Variants in ANK2 observed in about 807,000 individuals in gnomAD.
ANK2 encodes the protein ankyrin 2.
A neutral mutation model predicts 360.5 loss-of-function variants in ANK2; 83 were observed. That is an observed-to-expected ratio of 0.23 (90% CI 0.19 to 0.28). The LOEUF is 0.28. Ranked by LOEUF, ANK2 falls within the 10% of genes least tolerant of loss-of-function variation. ANK2 has a pLI of 1.00. For synonymous variants in ANK2, 1,740 were observed against 1,759.5 expected, an observed-to-expected ratio of 0.99 and a Z score of 0.28; for missense variants, 4,201 against 4,795.7, an observed-to-expected ratio of 0.88 and a Z score of 3.66.
chr4:113,266,765 T>C (rs915621892), intron 14 of ANK2, among the ~76,000 whole-genome samples: 3 of 152,176 alleles, frequency 2.0e-5, no homozygotes, highest in African/African-American at 7.2e-5. Flanking sequence ...TAATCCCAGC[T>C]GCTCAGGTGG....
chr4:112,748,768 C>A, the ANK2 span, among the ~76,000 whole-genome samples: 1 of 152,206 alleles, frequency 6.6e-6, no homozygotes, highest in African/African-American at 2.4e-5. Context: ...CATTTTGAAA[C>A]ACACCCATGC....
chr4:113,090,029 C>T (rs571725131), intron 1 of ANK2, among the ~76,000 whole-genome samples: 1 of 152,086 alleles, frequency 6.6e-6, no homozygotes, highest in Non-Finnish European at 1.5e-5. Context: ...TGAATGGAAT[C>T]GGTTTTCCAT....
the ANK2 span, among the ~76,000 whole-genome samples, chr4:112,750,638 A>ACGT: frequency 2.0e-5 from 3 of 152,214 alleles, 1 homozygote; most frequent in Non-Finnish European, 4.4e-5. Flanking sequence ...AAGTTTATTA[A>ACGT]GAAAGTAAAG....
chr4:112,881,678 T>G, intron 1 of ANK2: 1 of 473,560 alleles, frequency 2.1e-6, no homozygotes, highest in Non-Finnish European at 3.8e-6. Flanking sequence ...AAAATACAAT[T>G]AGTCACAAAC....
At chr4:112,992,333 G>A (rs577997870) in intron 2 of ANK2, among the ~76,000 whole-genome samples, 1 of 151,842 alleles carries the variant, frequency 6.6e-6, no homozygotes, top group Non-Finnish European at 1.5e-5. Flanking sequence ...TAGTAGAGAT[G>A]GTGTTTCACC....
rs370857443 is a variant in ANK2 at position 113,357,242 on chromosome 4, A to G, written c.8624A>G (p.Glu2875Gly). The G allele has an allele frequency of 1.9e-6, 3 of 1,613,980 alleles. No homozygotes were observed. The African/African-American group carries it at 4.0e-5, about 22-fold the overall frequency. Reference sequence around the variant, plus strand: ...GCCACATCTTCTATTCAAAAAACAGAGGTCACAAAAACTGATGAAACATTT... The same window carrying G: ...GCCACATCTTCTATTCAAAAAACAGGGGTCACAAAAACTGATGAAACATTT... The part of the protein sequence containing the change: ...ISATSSIQKT[E>G]VTKTDETFEN... Residue 2875 changes from glutamate (E) to glycine (G), a missense_variant, in exon 38 of 46, where the codon GAG (glutamate) becomes GGG (glycine). Glu to Gly is a moderately conservative substitution (Grantham distance 98). Transcript: ENST00000357077.
intron 1 of ANK2, among the ~76,000 whole-genome samples, chr4:112,821,037 G>A (rs958974203): frequency 2.5e-4 from 38 of 152,100 alleles, no homozygotes; most frequent in Admixed American, 1.2e-3. Flanking sequence ...TCAGCCTCCC[G>A]AGTAGCTGAG....
intron 8 of ANK2, among the ~76,000 whole-genome samples, chr4:113,241,463 G>T (rs564147023): frequency 2.6e-5 from 4 of 152,142 alleles, no homozygotes; most frequent in African/African-American, 9.6e-5. Flanking sequence ...TCAGCCTCCT[G>T]AGTAGCTAGG....
intron 1 of ANK2, among the ~76,000 whole-genome samples, chr4:113,169,036 T>A (rs1456756002): frequency 1.3e-5 from 2 of 152,306 alleles, no homozygotes; most frequent in East Asian, 3.9e-4. Flanking sequence ...ACGCCAGGAA[T>A]CTTCACATTT....
At chr4:113,071,700 A>G (rs1232328387) in intron 1 of ANK2, 1 of 152,458 alleles carries the variant, frequency 6.6e-6, no homozygotes, top group East Asian at 1.9e-4. Context: ...TTTTGAATAA[A>G]ATCTGCACCA....
At chr4:112,971,370 G>C (rs1402529909) in intron 2 of ANK2, among the ~76,000 whole-genome samples, 1 of 152,140 alleles carries the variant, frequency 6.6e-6, no homozygotes, top group Non-Finnish European at 1.5e-5. Flanking sequence ...CTAAGTAAAA[G>C]TTAAGCCCAG....
chr4:112,782,910 CT>C, the ANK2 span, among the ~76,000 whole-genome samples: 1 of 151,398 alleles, frequency 6.6e-6, no homozygotes, highest in African/African-American at 2.4e-5. Context: ...AATAGCTTTT[CT>C]TTTCTTTTTT....
At position 113,290,195 on chromosome 4, in the gene ANK2, A is replaced by G. The variant is rs192384127; in HGVS notation, c.2277+1709A>G. Among the ~76,000 whole-genome samples, 398 of 150,694 alleles carry G rather than the reference A, an allele frequency of 2.6e-3. 3 individuals carry two copies. Among genetic ancestry groups the G allele is most frequent in the African/African-American group, 9.0e-3 (371 of 41,094 alleles). On this transcript the variant is annotated intron_variant, in intron 20 of 45. Transcript: ENST00000357077. Reference sequence around the variant, plus strand: ...TGTTTTTTTTTTTTTAAGTGAACTAAGTTGCTTGCAGTGTTACATTTGGAA... The same window carrying G: ...TGTTTTTTTTTTTTTAAGTGAACTAGGTTGCTTGCAGTGTTACATTTGGAA...
intron 2 of ANK2, among the ~76,000 whole-genome samples, chr4:112,954,155 CCCCTGTATCCTT>C (rs1480864906): frequency 2.0e-5 from 3 of 151,778 alleles, no homozygotes; most frequent in African/African-American, 4.8e-5. Context: ...TGTTGTCCCA[CCCCTGTATCCTT>C]CCCTTTCTTC....
intron 1 of ANK2, among the ~76,000 whole-genome samples, chr4:113,110,984 A>T (rs1383507356): frequency 6.6e-6 from 1 of 152,120 alleles, no homozygotes. Flanking sequence ...ATTTTTGCTA[A>T]TTATTTACTG....
At chr4:113,264,632 G>T (rs1323918988) in intron 13 of ANK2, among the ~76,000 whole-genome samples, 3 of 151,488 alleles carry the variant, frequency 2.0e-5, no homozygotes. Flanking sequence ...TGAGGCAAGA[G>T]AATCGCTTGA....
At position 113,373,440 on chromosome 4, in the gene ANK2, G is replaced by A. The variant is rs2096813687; in HGVS notation, c.11850G>A (p.Glu3950=). 6.2e-7 allele frequency: 1 copy of A among 1,614,046 alleles called. No homozygotes were observed. The highest frequency in any genetic ancestry group is 1.7e-5 in the Admixed American group (1 of 60,000). Residue 3950 remains glutamate (E), a synonymous_variant, in exon 45 of 46, where the codon GAG becomes GAA. Transcript: ENST00000357077. ...IKRVVLKSDT[E]QSEDNNE ...GTGTTGTATTGAAGAGTGACACCGA[G>A]CAGTCAGAGGTGAGACAACCTGATT...
chr4:113,024,435 A>G (rs2154299708), intron 2 of ANK2, among the ~76,000 whole-genome samples: 1 of 152,284 alleles, frequency 6.6e-6, no homozygotes, highest in East Asian at 1.9e-4. Flanking sequence ...AAAAATTTTT[A>G]AAGGATACAA....
At chr4:112,850,261 T>TATC (rs2064382288) in intron 1 of ANK2, among the ~76,000 whole-genome samples, 1 of 121,684 alleles carries the variant, frequency 8.2e-6, no homozygotes, top group South Asian at 2.7e-4. Context: ...TCTATCTATC[T>TATC]ATCTATCTAT....
Sources: gnomAD v4.1 joint callset for allele counts (sites outside exome capture counted in the v4.1 genomes callset) on GRCh38, gnomAD v4.1.1 for gene constraint, MANE v1.5 for transcripts, NCBI Gene and HGNC (gene_info 2026-07-23, HGNC 2026-07-21) for gene names.